The following COL10A1 variants were observed in gnomAD, a reference collection of about 807,000 sequenced individuals.
COL10A1 encodes collagen alpha-1(X) chain.
Under a neutral mutation model 18.2 loss-of-function variants are expected in COL10A1, and 10 were observed. The observed-to-expected ratio is 0.55, with a 90% CI of 0.34 to 0.93. The LOEUF (loss-of-function observed/expected upper bound fraction) is 0.93, where lower values mean the gene tolerates loss of function less well. Ranked by LOEUF, COL10A1 falls within the 40% of genes least tolerant of loss-of-function variation. The pLI is 0.02. For synonymous variants in COL10A1, 330 were observed against 316.6 expected, an observed-to-expected ratio of 1.04 and a Z score of -0.45; for missense variants, 897 against 853.5, an observed-to-expected ratio of 1.05 and a Z score of -0.64.
rs189056172 is a variant in COL10A1 at position 116,139,493 on chromosome 6, A to G, written c.-15-13986T>C. 2.6e-3 allele frequency among the ~76,000 whole-genome samples: 394 copies of G among 152,284 alleles called. 10 individuals are homozygous for G. The South Asian group carries it at 0.043, about 17-fold the overall frequency. On this transcript the variant is annotated intron_variant, in intron 1 of 1. Coordinates refer to the COL10A1 transcript ENST00000418500. ...AAAATTCTTGTACATTTTAATACAC[A>G]TTGTATACTACAGTGTAATGATATT...
rs759211032 is a variant in COL10A1 at position 116,120,849 on chromosome 6, G to T, written c.1267C>A (p.Pro423Thr). ...CCCTTTGCTCCTGCTGGGCCCACAGGGCCTGGGAGACCAGGAGGTCCTCCA... is the reference window on the plus strand; with the variant it reads ...CCCTTTGCTCCTGCTGGGCCCACAGTGCCTGGGAGACCAGGAGGTCCTCCA... The part of the protein sequence containing the change: ...GVGGPPGLPG[P>T]VGPAGAKGMP... The change falls in exon 3 of 3, where the codon CCT (proline) becomes ACT (threonine). Residue 423 changes from proline to threonine, a missense_variant. Coordinates refer to ENST00000651968, the MANE Select transcript of COL10A1 (RefSeq NM_000493.4). 5.6e-6 allele frequency: 9 copies of T among 1,614,004 alleles called. No individual in the cohort carries two copies. Among genetic ancestry groups the T allele is most frequent in the Non-Finnish European group, 7.6e-6 (9 of 1,179,956 alleles).
At chr6:116,172,317 C>CTTTTTTT in the COL10A1 span, among the ~76,000 whole-genome samples, 7 of 108,016 alleles carry the variant, frequency 6.5e-5, no homozygotes, top group Admixed American at 2.1e-4. Context: ...CCCTTAGTAA[C>CTTTTTTT]TTTTTTTTTT....
At chr6:116,197,458 A>G in the COL10A1 span, among the ~76,000 whole-genome samples, 1 of 152,032 alleles carries the variant, frequency 6.6e-6, no homozygotes, top group African/African-American at 2.4e-5. Flanking sequence ...CCGGTCAAGA[A>G]TCAACATTCT....
rs780293015 is a variant in COL10A1, at chr6:116,121,695, G to T, written c.421C>A (p.Pro141Thr). 23 of 1,613,588 alleles carry T rather than the reference G, an allele frequency of 1.4e-5. No individual in the cohort carries two copies. Among genetic ancestry groups the T allele is most frequent in the Admixed American group, 3.3e-5 (2 of 60,006 alleles). ...PAGLPGPRGP[P>T]GPPGIPGPAG... ...GGTCCAGGGATTCCAGGTGGTCCTGGTGGGCCCCGGGGTCCTGGTAGGCCA... is the reference window on the plus strand; with the variant it reads ...GGTCCAGGGATTCCAGGTGGTCCTGTTGGGCCCCGGGGTCCTGGTAGGCCA... The change falls in exon 3 of 3, where the codon CCA becomes ACA. Residue 141 changes from proline to threonine, a missense_variant. Transcript: ENST00000651968.
chr6:116,177,733 TTAAA>T, the COL10A1 span, among the ~76,000 whole-genome samples: 1 of 151,990 alleles, frequency 6.6e-6, no homozygotes, highest in African/African-American at 2.4e-5. Context: ...ATCTAAGTAA[TTAAA>T]TAATAATATT....
chr6:116,173,556 G>A, the COL10A1 span, among the ~76,000 whole-genome samples: 2 of 152,100 alleles, frequency 1.3e-5, no homozygotes, highest in Admixed American at 6.5e-5. Flanking sequence ...CTAAAGCTGA[G>A]CGAGGGCGAG....
Position 116,119,617 on chromosome 6 carries a change from A to G in COL10A1, c.*456T>C, listed in dbSNP as rs962671917. ...GAATATTCAAGTATTTAAGTTCTAC[A>G]AAGTTATATGATACCTCCTGGATGT... On this transcript the variant is annotated 3_prime_UTR_variant, in exon 3 of 3. Transcript: ENST00000651968. 4 of 164,262 alleles carry G rather than the reference A, an allele frequency of 2.4e-5. No homozygotes were observed. Among genetic ancestry groups the G allele is most frequent in the African/African-American group, 9.6e-5 (4 of 41,556 alleles). 10.2% of individuals were successfully genotyped at this position (164,262 alleles called of 1,614,324 possible). A position where few individuals can be genotyped will look rare whatever the true frequency, so the allele number is the denominator to read the frequency against.
chr6:116,155,095 G>C (rs1267789553), intron 1 of COL10A1, among the ~76,000 whole-genome samples: 1 of 152,128 alleles, frequency 6.6e-6, no homozygotes, highest in South Asian at 2.1e-4. Context: ...AGTAATTGCG[G>C]TTTTTGCCAT....
chr6:116,132,257 T>A (rs929671214), intron 1 of COL10A1, among the ~76,000 whole-genome samples: 9 of 152,194 alleles, frequency 5.9e-5, no homozygotes, highest in African/African-American at 1.9e-4. Flanking sequence ...TTGAACTTTT[T>A]AATTTTTGTC....
chr6:116,166,836 G>A, the COL10A1 span, among the ~76,000 whole-genome samples: 3 of 152,074 alleles, frequency 2.0e-5, no homozygotes, highest in African/African-American at 7.2e-5. Context: ...ATTTAAAGAC[G>A]AAAGGACTGA....
the COL10A1 span, among the ~76,000 whole-genome samples, chr6:116,187,375 T>C: frequency 3.3e-4 from 50 of 151,984 alleles, no homozygotes; most frequent in Non-Finnish European, 6.9e-4. Context: ...CCACAATTTA[T>C]ATGGAAATGA....
At chr6:116,126,777 CATATT>C (rs944126403), upstream of COL10A1, among the ~76,000 whole-genome samples, 1 of 152,044 alleles carries the variant, frequency 6.6e-6, no homozygotes, top group Non-Finnish European at 1.5e-5. Flanking sequence ...TTGATAATCT[CATATT>C]ATGTTAATTT....
chr6:116,211,029 A>G, the COL10A1 span, among the ~76,000 whole-genome samples: 1 of 152,044 alleles, frequency 6.6e-6, no homozygotes, highest in Non-Finnish European at 1.5e-5. Context: ...GTGCTACTGT[A>G]AAATTCCTAA....
the COL10A1 span, among the ~76,000 whole-genome samples, chr6:116,165,918 A>G: frequency 3.9e-5 from 6 of 152,160 alleles, no homozygotes; most frequent in Non-Finnish European, 1.5e-5. Context: ...TGAATGCACA[A>G]CCAGTATGGT....
At chr6:116,141,624 G>T (rs1200667519) in intron 1 of COL10A1, among the ~76,000 whole-genome samples, 1 of 151,830 alleles carries the variant, frequency 6.6e-6, no homozygotes, top group Non-Finnish European at 1.5e-5. Context: ...TCTTTTAATA[G>T]AATTTCTGAT....
chr6:116,164,539 A>G, the COL10A1 span, among the ~76,000 whole-genome samples: 3 of 152,060 alleles, frequency 2.0e-5, no homozygotes, highest in Non-Finnish European at 2.9e-5. Flanking sequence ...TTCTTACCCA[A>G]TTTGCTAATC....
intron 1 of COL10A1, among the ~76,000 whole-genome samples, chr6:116,151,136 C>T (rs976573164): frequency 2.0e-5 from 3 of 152,130 alleles, no homozygotes; most frequent in Admixed American, 1.3e-4. Flanking sequence ...ATCATCTGCT[C>T]AGCCTTCTTT....
chr6:116,178,970 A>G, the COL10A1 span, among the ~76,000 whole-genome samples: 1 of 152,240 alleles, frequency 6.6e-6, no homozygotes. Context: ...AACAGTAGAA[A>G]GAAAAGATTA....
chr6:116,191,425 GAA>G, the COL10A1 span, among the ~76,000 whole-genome samples: 1 of 152,050 alleles, frequency 6.6e-6, no homozygotes, highest in African/African-American at 2.4e-5. Context: ...TCACGGGAAA[GAA>G]GAGGAGGGAA....
Sources: allele counts gnomAD v4.1 joint callset (sites outside exome capture counted in the v4.1 genomes callset), GRCh38; gene constraint gnomAD v4.1.1; transcripts MANE v1.5; gene names NCBI Gene and HGNC (gene_info 2026-07-23, HGNC 2026-07-21).